VIT: variants seen among roughly 807,000 people sequenced by gnomAD.
VIT encodes the protein vitrin.
A neutral mutation model predicts 78.0 loss-of-function variants in VIT; 99 were observed. The ratio of observed to expected loss-of-function variants is 1.27; its 90% CI spans 1.08 to 1.50. VIT has a LOEUF of 1.50. Among genes scored for constraint, VIT ranks in the 40% most tolerant of loss-of-function variants. VIT has a pLI of 0.00. For missense variants in VIT, 1,126 were observed against 875.3 expected, an observed-to-expected ratio of 1.29 and a Z score of -3.61; for synonymous variants, 374 against 334.3, an observed-to-expected ratio of 1.12 and a Z score of -1.29.
At chr2:36,756,629 A>G (rs1668783191) in intron 5 of VIT, among the ~76,000 whole-genome samples, 1 of 152,180 alleles carries the variant, frequency 6.6e-6, no homozygotes, top group South Asian at 2.1e-4. Flanking sequence ...CAAATTCTAC[A>G]CGCCCACAGT....
intron 2 of VIT, among the ~76,000 whole-genome samples, chr2:36,724,453 A>G (rs568733965): frequency 1.3e-5 from 2 of 152,290 alleles, no homozygotes; most frequent in East Asian, 1.9e-4. Context: ...TAGGCGTCCT[A>G]GGAAAACGAA....
chr2:36,707,981 G>A (rs1430993289), intron 1 of VIT, among the ~76,000 whole-genome samples: 1 of 152,148 alleles, frequency 6.6e-6, no homozygotes, highest in Non-Finnish European at 1.5e-5. Context: ...GGGGATTGTA[G>A]TGATGACCCT....
intron 7 of VIT, among the ~76,000 whole-genome samples, chr2:36,768,808 T>A (rs752913985): frequency 4.5e-4 from 68 of 152,214 alleles, no homozygotes; most frequent in Non-Finnish European, 9.4e-4. Flanking sequence ...GAATTAATAA[T>A]AACAGAATGC....
At chr2:36,759,478 C>A in intron 6 of VIT, 2 of 1,194,586 alleles carry the variant, frequency 1.7e-6, no homozygotes, top group African/African-American at 1.6e-5. Context: ...CCAAATAACC[C>A]AGGCCAAAAA....
chr2:36,814,134 C>T (rs1667391285), intron 15 of VIT, 49 bp from the exon 16 acceptor site: 1 of 1,587,442 alleles, frequency 6.3e-7, no homozygotes, highest in Admixed American at 1.7e-5. Context: ...GATTCTTTAG[C>T]AGCACCTTTA....
intron 9 of VIT, among the ~76,000 whole-genome samples, chr2:36,775,909 T>A (rs1670019785): frequency 6.6e-6 from 1 of 152,152 alleles, no homozygotes; most frequent in Non-Finnish European, 1.5e-5. Context: ...GTAAGAACAT[T>A]TGGAGTTCTT....
At chr2:36,813,059 G>C (rs1419795465) in intron 15 of VIT, among the ~76,000 whole-genome samples, 1 of 148,210 alleles carries the variant, frequency 6.7e-6, no homozygotes, top group East Asian at 2.0e-4. Context: ...AAAAAAAATA[G>C]GATTTTTTGT....
chr2:36,808,482 G>T lies in VIT; in HGVS notation c.1400G>T (p.Arg467Ile), dbSNP rs146457481. Residue 467 changes from arginine (R) to isoleucine (I), a missense_variant, in exon 15 of 16, where the codon AGA becomes ATA. Physicochemically the swap from Arg to Ile is moderately conservative, Grantham distance 97. Coordinates refer to ENST00000379242, the MANE Select transcript of VIT (RefSeq NM_053276.4). Reference sequence around the variant, plus strand: ...CCCTCTGTCTTCTAGGCCGTGTGCAGAACAAACGGCTTCTACTCGCTCCAC... The same window carrying T: ...CCCTCTGTCTTCTAGGCCGTGTGCATAACAAACGGCTTCTACTCGCTCCAC... ...EPNFANKAVCRTNGFYSLHVQ... is the reference protein window; with the variant it reads ...EPNFANKAVCITNGFYSLHVQ... 1.2e-6 allele frequency: 2 copies of T among 1,607,984 alleles called. No homozygotes were observed. The highest frequency in any genetic ancestry group is 1.3e-5 in the African/African-American group (1 of 74,854).
At position 36,808,496 on chromosome 2, in the gene VIT, T is replaced by C. The variant is rs750377955; in HGVS notation, c.1414T>C (p.Tyr472His). The C allele has an allele frequency of 6.2e-6, 10 of 1,611,162 alleles. No homozygotes were observed. The East Asian group carries it at 2.2e-4, about 36-fold the overall frequency. Reference protein sequence around the residue: ...NKAVCRTNGFYSLHVQSWFGL... With the variant: ...NKAVCRTNGFHSLHVQSWFGL... ...GGCCGTGTGCAGAACAAACGGCTTC[T>C]ACTCGCTCCACGTGCAGAGCTGGTT... The change falls in exon 15 of 16, where the codon TAC (tyrosine) becomes CAC (histidine). Residue 472 changes from tyrosine to histidine, a missense_variant. By Grantham distance (83) the Tyr-to-His change is moderately conservative. Transcript: ENST00000379242.
intron 3 of VIT, among the ~76,000 whole-genome samples, chr2:36,734,170 A>G (rs1667369686): frequency 6.6e-6 from 1 of 152,164 alleles, no homozygotes; most frequent in South Asian, 2.1e-4. Flanking sequence ...GAGGACTTGT[A>G]AAATGTGATA....
intron 6 of VIT, 145 bp from the exon 7 acceptor site, chr2:36,766,949 G>A (rs1234388183): frequency 2.3e-6 from 2 of 860,576 alleles, no homozygotes; most frequent in African/African-American, 3.5e-5. Flanking sequence ...CAAGAATGTG[G>A]CTGTTACCTG....
At chr2:36,739,883 A>T (rs968779672) in intron 3 of VIT, among the ~76,000 whole-genome samples, 3 of 152,114 alleles carry the variant, frequency 2.0e-5, no homozygotes, top group African/African-American at 7.2e-5. Context: ...GACGCTAGCA[A>T]CTGTCCAGTC....
chr2:36,697,337 G>T lies in VIT; in HGVS notation c.-19+364G>T, dbSNP rs138455684. ...TTTTTAAAAACTTTGCTTGGAATAT[G>T]TGGAATGTAATAGCAATATAGCAAA... On this transcript the variant is annotated intron_variant, in intron 1 of 15. Coordinates refer to ENST00000379242, the MANE Select transcript of VIT (RefSeq NM_053276.4). 6.2e-4 allele frequency among the ~76,000 whole-genome samples: 94 copies of T among 152,314 alleles called. 1 individual carries two copies. The East Asian group carries it at 8.7e-3, about 14-fold the overall frequency.
At chr2:36,743,698 T>G (rs1417115141) in intron 4 of VIT, among the ~76,000 whole-genome samples, 1 of 152,244 alleles carries the variant, frequency 6.6e-6, no homozygotes, top group East Asian at 1.9e-4. Context: ...TAAGCAACTG[T>G]CTCCAAATAT....
In VIT at chr2:36,768,302, C is replaced by T. The variant is rs140413060; in HGVS notation, c.679+1017C>T. Among the ~76,000 whole-genome samples, 14 of 152,146 alleles carry T rather than the reference C, an allele frequency of 9.2e-5. 2 individuals carry two copies. Among genetic ancestry groups the T allele is most frequent in the African/African-American group, 3.4e-4 (14 of 41,500 alleles). On this transcript the variant is annotated intron_variant, in intron 7 of 15. Coordinates refer to ENST00000379242, the MANE Select transcript of VIT (RefSeq NM_053276.4). ...CAAATATTAGCCAGGTGTGGTGGCA[C>T]GTGCCTATAGTCCCAGCTACTTGGG...
chr2:36,766,702 A>C (rs984968502), intron 6 of VIT, among the ~76,000 whole-genome samples: 2 of 152,210 alleles, frequency 1.3e-5, no homozygotes, highest in Non-Finnish European at 2.9e-5. Flanking sequence ...GAAAGCCCCA[A>C]ATGCACCTTC....
At chr2:36,802,204 T>G (rs7578335) in intron 13 of VIT, among the ~76,000 whole-genome samples, 2,813 of 152,230 alleles carry the variant, frequency 0.018, 90 homozygotes, top group African/African-American at 0.065. Context: ...TTATCCAGAG[T>G]TGATTGGCCA....
chr2:36,712,639 C>T (rs1035315510), intron 1 of VIT, among the ~76,000 whole-genome samples: 4 of 152,046 alleles, frequency 2.6e-5, no homozygotes, highest in South Asian at 2.1e-4. Context: ...AGTTCCAGAC[C>T]GGCCTGGCCA....
intron 7 of VIT, among the ~76,000 whole-genome samples, chr2:36,770,889 C>T (rs1669706312): frequency 6.6e-6 from 1 of 152,282 alleles, no homozygotes; most frequent in South Asian, 2.1e-4. Flanking sequence ...AGAAGAGCGC[C>T]GCCTAGTGGC....
Sources: gnomAD v4.1 joint callset for allele counts (sites outside exome capture counted in the v4.1 genomes callset) on GRCh38, gnomAD v4.1.1 for gene constraint, MANE v1.5 for transcripts, NCBI Gene and HGNC (gene_info 2026-07-23, HGNC 2026-07-21) for gene names.